Variants in TBC1D5 observed in about 807,000 individuals in gnomAD.
The protein encoded by TBC1D5 is TBC1 domain family, member 5.
In TBC1D5, 75 loss-of-function variants were observed where a neutral mutation model predicts 100.3. The ratio of observed to expected loss-of-function variants is 0.75; its 90% confidence interval spans 0.62 to 0.91. The LOEUF (loss-of-function observed/expected upper bound fraction) is 0.91. TBC1D5 is among the 40% of genes least tolerant of loss of function. TBC1D5 has a pLI of 0.00. For missense variants in TBC1D5, 910 were observed against 942.4 expected, an observed-to-expected ratio of 0.97 and a Z score of 0.45; for synonymous variants, 323 against 325.6, an observed-to-expected ratio of 0.99 and a Z score of 0.09.
chr3:17,599,390 C>T (rs1362067243), intron 2 of TBC1D5, among the ~76,000 whole-genome samples: 5 of 152,218 alleles, frequency 3.3e-5, no homozygotes, highest in East Asian at 3.9e-4. Context: ...GAGAGGAGTT[C>T]GGTTGGGGAT....
chr3:17,673,908 T>C (rs2068286498), intron 1 of TBC1D5, among the ~76,000 whole-genome samples: 1 of 152,204 alleles, frequency 6.6e-6, no homozygotes, highest in Non-Finnish European at 1.5e-5. Context: ...GCAGATCTCC[T>C]GAATGAAGTT....
intron 1 of TBC1D5, among the ~76,000 whole-genome samples, chr3:17,678,819 TAAAG>T (rs2069046631): frequency 6.7e-6 from 1 of 150,260 alleles, no homozygotes; most frequent in Non-Finnish European, 1.5e-5. Context: ...ATTTCAGAGA[TAAAG>T]AAATGATCCT....
At chr3:17,286,310 A>C (rs1322425024) in intron 15 of TBC1D5, among the ~76,000 whole-genome samples, 3 of 152,244 alleles carry the variant, frequency 2.0e-5, no homozygotes, top group Admixed American at 6.5e-5. Flanking sequence ...TACTGCCTTC[A>C]GGAAGGAAAG....
At chr3:17,293,365 G>A (rs1299988223) in intron 14 of TBC1D5, among the ~76,000 whole-genome samples, 1 of 152,132 alleles carries the variant, frequency 6.6e-6, no homozygotes, top group African/African-American at 2.4e-5. Context: ...AACTCAAAAA[G>A]TAATTATCTA....
rs372616913 is a variant in TBC1D5, at chr3:17,378,580, C to A, written c.613-1967G>T. Among the ~76,000 whole-genome samples, 125 of 151,924 alleles carry A rather than the reference C, an allele frequency of 8.2e-4. 2 individuals are homozygous for A. The East Asian group carries it at 0.012, about 15-fold the overall frequency. ...GTTCTATACCAATGAAAGGTATTAA[C>A]CCTTTGTAATTTTTGTTACAAACAT... On this transcript the variant is annotated intron_variant, in intron 9 of 21. Transcript: ENST00000253692.
At chr3:17,667,989 C>T (rs911195538) in intron 1 of TBC1D5, among the ~76,000 whole-genome samples, 2 of 151,140 alleles carry the variant, frequency 1.3e-5, no homozygotes, top group African/African-American at 4.9e-5. Context: ...CAAACAGGTC[C>T]CCATTTACTA....
At chr3:17,583,414 T>C (rs1576839422) in intron 2 of TBC1D5, among the ~76,000 whole-genome samples, 1 of 150,250 alleles carries the variant, frequency 6.7e-6, no homozygotes, top group Non-Finnish European at 1.5e-5. Flanking sequence ...AAATAGTAAG[T>C]GTTAGCAAAA....
rs143138047 is a variant in TBC1D5, at chr3:17,573,943, C to T, written c.-36+49906G>A. Among the ~76,000 whole-genome samples, 678 of 151,856 alleles carry T rather than the reference C, an allele frequency of 4.5e-3. 3 individuals carry two copies. Among genetic ancestry groups the T allele is most frequent in the Non-Finnish European group, 8.5e-3 (575 of 67,946 alleles). ...TATTTTAACTCTGTTGATCCAGTAC[C>T]GAGAACACTGCCACAGTACGTAAAA... On this transcript the variant is annotated intron_variant, in intron 2 of 21. Coordinates refer to ENST00000253692, the Ensembl canonical transcript of TBC1D5.
At chr3:17,489,796 T>G (rs963517849) in intron 3 of TBC1D5, among the ~76,000 whole-genome samples, 5 of 152,208 alleles carry the variant, frequency 3.3e-5, no homozygotes, top group African/African-American at 1.2e-4. Context: ...TTTGCTATTG[T>G]GAATAGTGCT....
At chr3:17,430,942 T>C (rs2094437174) in intron 3 of TBC1D5, among the ~76,000 whole-genome samples, 1 of 151,906 alleles carries the variant, frequency 6.6e-6, no homozygotes, top group Non-Finnish European at 1.5e-5. Context: ...GAAAGGCTCA[T>C]TTTTCATTTA....
intron 1 of TBC1D5, among the ~76,000 whole-genome samples, chr3:17,686,426 T>C (rs1160174265): frequency 6.6e-6 from 1 of 151,296 alleles, no homozygotes; most frequent in Non-Finnish European, 1.5e-5. Context: ...TAAAACAATA[T>C]AGTACGCTTG....
chr3:17,632,182 A>G (rs967517874), intron 1 of TBC1D5, among the ~76,000 whole-genome samples: 6 of 152,224 alleles, frequency 3.9e-5, no homozygotes, highest in African/African-American at 1.4e-4. Context: ...CTCACGGATG[A>G]CTTGAAGGAG....
intron 4 of TBC1D5, among the ~76,000 whole-genome samples, chr3:17,413,567 T>C (rs923782956): frequency 6.6e-6 from 1 of 152,184 alleles, no homozygotes; most frequent in Non-Finnish European, 1.5e-5. Context: ...GATATGCTCA[T>C]AACATTGGTG....
intron 2 of TBC1D5, among the ~76,000 whole-genome samples, chr3:17,568,239 G>A (rs1371997801): frequency 6.6e-6 from 1 of 151,168 alleles, no homozygotes; most frequent in Non-Finnish European, 1.5e-5. Context: ...TTTATATTTA[G>A]TAAATGAATG....
chr3:17,483,260 T>C (rs902440064), intron 3 of TBC1D5, among the ~76,000 whole-genome samples: 1 of 152,168 alleles, frequency 6.6e-6, no homozygotes, highest in Admixed American at 6.5e-5. Context: ...ATGAATTCTA[T>C]GGAATGCCAT....
intron 3 of TBC1D5, among the ~76,000 whole-genome samples, chr3:17,437,886 G>A (rs760347838): frequency 6.6e-6 from 1 of 152,058 alleles, no homozygotes; most frequent in Non-Finnish European, 1.5e-5. Flanking sequence ...AATTTAATTT[G>A]CCCAAATTGA....
intron 16 of TBC1D5, among the ~76,000 whole-genome samples, chr3:17,244,324 C>G (rs2076548474): frequency 6.6e-6 from 1 of 152,254 alleles, no homozygotes; most frequent in Middle Eastern, 3.4e-3. Flanking sequence ...TCACATTTAT[C>G]ACATCACTCA....
intron 4 of TBC1D5, among the ~76,000 whole-genome samples, chr3:17,422,286 A>G (rs2094226069): frequency 1.3e-5 from 2 of 152,044 alleles, no homozygotes; most frequent in African/African-American, 4.8e-5. Context: ...CTTGTGCCTC[A>G]GACTTCCGAG....
At chr3:17,715,339 G>A (rs2075132850) in intron 1 of TBC1D5, among the ~76,000 whole-genome samples, 1 of 152,078 alleles carries the variant, frequency 6.6e-6, no homozygotes, top group South Asian at 2.1e-4. Flanking sequence ...TAGAGAGCAA[G>A]GTCTGTGACT....
Sources: allele counts gnomAD v4.1 joint callset (sites outside exome capture counted in the v4.1 genomes callset), GRCh38; gene constraint gnomAD v4.1.1; transcripts MANE v1.5; gene names NCBI Gene and HGNC (gene_info 2026-07-23, HGNC 2026-07-21).